RORA: variants seen among roughly 807,000 people sequenced by gnomAD.
RORA encodes the protein nuclear receptor ROR-alpha.
RORA carries 7 observed loss-of-function variants against 69.5 expected under a neutral mutation model. That is an observed-to-expected ratio of 0.10 (90% CI 0.06 to 0.19). The LOEUF is 0.19. RORA is among the 10% of genes least tolerant of loss of function. The pLI, the probability that RORA is intolerant of heterozygous loss-of-function variation, is 1.00. For synonymous variants in RORA, 261 were observed against 240.8 expected (o/e 1.08, Z -0.78); for missense variants, 457 against 663.0 (o/e 0.69, Z 3.41).
intron 1 of RORA, among the ~76,000 whole-genome samples, chr15:60,932,597 A>G (rs1473722003): frequency 6.6e-6 from 1 of 152,162 alleles, no homozygotes; most frequent in Admixed American, 6.5e-5. Context: ...GGCACTGTGA[A>G]TTGCGGCTCC....
At chr15:60,715,018 C>T (rs1486131072) in intron 1 of RORA, among the ~76,000 whole-genome samples, 2 of 152,276 alleles carry the variant, frequency 1.3e-5, no homozygotes, top group South Asian at 2.1e-4. Context: ...TTTTTCATCT[C>T]ACCAAGCTAA....
chr15:60,507,787 G>T (rs1330987954), intron 5 of RORA, among the ~76,000 whole-genome samples: 2 of 152,132 alleles, frequency 1.3e-5, no homozygotes, highest in Non-Finnish European at 2.9e-5. Flanking sequence ...AGGGAAGTAG[G>T]GGGGGATGCT....
At chr15:60,733,914 C>CAGAGAGAGAGAGAGAGAG (rs58672002) in intron 1 of RORA, among the ~76,000 whole-genome samples, 33 of 101,468 alleles carry the variant, frequency 3.3e-4, no homozygotes, top group South Asian at 8.6e-4. Flanking sequence ...AGAATAGGGG[C>CAGAGAGAGAGAGAGAGAG]AGAGAGAGAG....
intron 1 of RORA, among the ~76,000 whole-genome samples, chr15:60,781,283 G>A (rs1359624156): frequency 1.3e-5 from 2 of 152,136 alleles, no homozygotes; most frequent in African/African-American, 4.8e-5. Context: ...TGGTGTTGAG[G>A]AATCCCCTTC....
chr15:60,939,978 T>C (rs73432081), intron 1 of RORA, among the ~76,000 whole-genome samples: 2,118 of 152,306 alleles, frequency 0.014, 49 homozygotes, highest in African/African-American at 0.048. Context: ...TGGTGGTAAA[T>C]TACATTACAG....
chr15:60,964,976 C>T (rs1893512870), intron 1 of RORA, among the ~76,000 whole-genome samples: 1 of 152,124 alleles, frequency 6.6e-6, no homozygotes, highest in Non-Finnish European at 1.5e-5. Flanking sequence ...ACTAATTATG[C>T]TATGGGGATG....
Position 60,490,655 on chromosome 15 carries a change from T to C in RORA, c.*6800A>G, listed in dbSNP as rs1478977533. 6.6e-6 allele frequency: 1 copy of C among 152,208 alleles called. No individual in the cohort carries two copies. Among genetic ancestry groups the C allele is most frequent in the African/African-American group, 2.4e-5 (1 of 41,454 alleles). 9.4% of individuals were successfully genotyped at this position (152,208 alleles called of 1,614,324 possible). A position where few individuals can be genotyped will look rare whatever the true frequency, so the allele number is the denominator to read the frequency against. On this transcript the variant is annotated 3_prime_UTR_variant, in exon 11 of 11. Transcript: ENST00000335670. The surrounding 1 kb of genome is among the most constrained non-coding windows in gnomAD (Gnocchi z 4.1). The stretch of plus-strand genomic sequence containing the variant: ...CAGTAAACAAGAGATTGCATTTACA[T>C]GCAGATGTCTAAAATTTGTATTTTT...
intron 1 of RORA, among the ~76,000 whole-genome samples, chr15:61,044,295 G>T (rs1308994962): frequency 6.6e-6 from 1 of 152,102 alleles, no homozygotes; most frequent in Non-Finnish European, 1.5e-5. Context: ...CAAATGCCAG[G>T]CCCTTGGTAT....
At chr15:60,968,761 C>T (rs922726482) in intron 1 of RORA, among the ~76,000 whole-genome samples, 28 of 151,422 alleles carry the variant, frequency 1.8e-4, no homozygotes, top group African/African-American at 6.8e-4. Context: ...CAAATAAGAA[C>T]ATTCTCCTAC....
Position 61,125,561 on chromosome 15 carries a change from T to G in RORA, c.166+103492A>C, listed in dbSNP as rs112987927. 1.1e-4 allele frequency among the ~76,000 whole-genome samples: 17 copies of G among 152,352 alleles called. 3 individuals are homozygous for G. The highest frequency in any genetic ancestry group is 4.1e-4 in the African/African-American group (17 of 41,586). On this transcript the variant is annotated intron_variant, in intron 1 of 10. Transcript: ENST00000335670. ...TAGATCACAATGAATATGTTATTAT[T>G]TGATCCCAAATATTCCTTTTTGCAA... is the stretch of plus-strand genomic sequence containing the variant.
At position 61,076,407 on chromosome 15, in the gene RORA, A is replaced by G. The variant is rs565951241; in HGVS notation, c.166+152646T>C. 1.5e-4 allele frequency among the ~76,000 whole-genome samples: 23 copies of G among 149,334 alleles called. 1 individual carries two copies. In the South Asian group the frequency reaches 4.8e-3, roughly 31 times the overall value. ...AGGAGGGCATCTCTTGATCATCTCA[A>G]AAAAAAAAAACGTTTCAACAACTTC... On this transcript the variant is annotated intron_variant, in intron 1 of 10. Transcript: ENST00000335670.
rs34583179 is a variant in RORA at position 60,696,374 on chromosome 15, GA to G, written c.167-17689del. Among the ~76,000 whole-genome samples the G allele has an allele frequency of 1.2e-4, 18 of 147,256 alleles. No homozygotes were observed. The South Asian group carries it at 1.3e-3, about 11-fold the overall frequency. ...TTCTTTCCACTTAGGCTGATTTACA[GA>G]AAAAAAAAAGACATTCCAGAAAAAT... On this transcript the variant is annotated intron_variant, in intron 1 of 10. Coordinates refer to ENST00000335670, the MANE Select transcript of RORA (RefSeq NM_134261.3).
At chr15:61,100,549 G>C (rs117488489) in intron 1 of RORA, among the ~76,000 whole-genome samples, 2 of 152,324 alleles carry the variant, frequency 1.3e-5, no homozygotes, top group East Asian at 3.9e-4. Flanking sequence ...GCTATCTGTG[G>C]CTAGAGAGGT....
intron 1 of RORA, among the ~76,000 whole-genome samples, chr15:61,034,159 C>T (rs1370196478): frequency 1.3e-5 from 2 of 152,092 alleles, no homozygotes; most frequent in Non-Finnish European, 2.9e-5. Flanking sequence ...CATACACAGG[C>T]TCTTTTTGTT....
In RORA at chr15:60,770,601, C is replaced by T. The variant is rs550161106; in HGVS notation, c.167-91915G>A. Among the ~76,000 whole-genome samples, 82 of 152,288 alleles carry T rather than the reference C, an allele frequency of 5.4e-4. 1 individual carries two copies. The highest frequency in any genetic ancestry group is 1.7e-3 in the African/African-American group (69 of 41,566). ...GGAAAGTGTAGGATGAGTGAGGTTTCGTGCTCCTTTACGTTTGTTTGTTTT... is the reference window on the plus strand; with the variant it reads ...GGAAAGTGTAGGATGAGTGAGGTTTTGTGCTCCTTTACGTTTGTTTGTTTT... On this transcript the variant is annotated intron_variant, in intron 1 of 10. Transcript: ENST00000335670.
intron 2 of RORA, among the ~76,000 whole-genome samples, chr15:60,543,682 A>ATGTT (rs1381452645): frequency 6.6e-6 from 1 of 151,960 alleles, no homozygotes; most frequent in Non-Finnish European, 1.5e-5. Flanking sequence ...GGGTTTCACC[A>ATGTT]TGTTGCCCAG....
chr15:60,685,658 G>A (rs919892504), intron 1 of RORA, among the ~76,000 whole-genome samples: 1 of 152,162 alleles, frequency 6.6e-6, no homozygotes, highest in Non-Finnish European at 1.5e-5. Flanking sequence ...ACATATTACT[G>A]AAAGTGCTCC....
intron 2 of RORA, among the ~76,000 whole-genome samples, chr15:60,665,524 A>G (rs1445114808): frequency 6.6e-6 from 1 of 152,234 alleles, no homozygotes; most frequent in Admixed American, 6.5e-5. Flanking sequence ...AACTGCAGAA[A>G]GAAACTTTAA....
chr15:61,206,071 G>C (rs1176619088), intron 1 of RORA, among the ~76,000 whole-genome samples: 1 of 152,204 alleles, frequency 6.6e-6, no homozygotes, highest in Non-Finnish European at 1.5e-5. Context: ...ACCTAGAGCA[G>C]ATTAAGCTAT....
Sources: gnomAD v4.1 joint callset for allele counts (sites outside exome capture counted in the v4.1 genomes callset) on GRCh38, gnomAD v4.1.1 for gene constraint, Gnocchi (gnomAD v3.1) non-coding constraint, MANE v1.5 for transcripts, NCBI Gene and HGNC (gene_info 2026-07-23, HGNC 2026-07-21) for gene names.